Variants in STK11IP observed in about 807,000 individuals in gnomAD.
STK11IP encodes the protein serine/threonine kinase 11 interacting protein, also known as serine/threonine-protein kinase 11-interacting protein.
A neutral mutation model predicts 131.7 loss-of-function variants in STK11IP; 103 were observed. That is an observed-to-expected ratio of 0.78 (90% CI 0.67 to 0.92). STK11IP has a LOEUF of 0.92. Among genes scored for constraint, STK11IP ranks in the 40% least tolerant of loss-of-function variants. STK11IP has a pLI of 0.00. For synonymous variants in STK11IP, 557 were observed against 575.6 expected, an observed-to-expected ratio of 0.97 and a Z score of 0.46; for missense variants, 1,315 against 1,385.7, an observed-to-expected ratio of 0.95 and a Z score of 0.81.
chr2:219,603,678 G>T (rs954492733), intron 7 of STK11IP, among the ~76,000 whole-genome samples: 3 of 151,788 alleles, frequency 2.0e-5, no homozygotes, highest in African/African-American at 7.3e-5. Context: ...CCGCCACCAT[G>T]CCCAGCTAAT....
At chr2:219,605,491 G>T in intron 7 of STK11IP, 117 bp from the exon 8 acceptor site, 2 of 933,204 alleles carry the variant, frequency 2.1e-6, no homozygotes, top group South Asian at 3.2e-5. Context: ...CATTTGTGCT[G>T]AGTGTGTGCA....
chr2:219,599,067 C>G (rs183858718), intron 2 of STK11IP, among the ~76,000 whole-genome samples: 1 of 152,238 alleles, frequency 6.6e-6, no homozygotes, highest in East Asian at 1.9e-4. Context: ...TGTGGAAGCT[C>G]TCTTTATAGC....
Position 219,606,214 on chromosome 2 carries a change from C to A in STK11IP, c.869C>A (p.Pro290His). 1 of 1,568,070 alleles carries A rather than the reference C, an allele frequency of 6.4e-7. No individual in the cohort carries two copies. The highest frequency in any genetic ancestry group is 2.4e-5 in the East Asian group (1 of 42,024). The change falls in exon 10 of 25, where the codon CCT becomes CAT. Residue 290 changes from proline (P) to histidine (H), a missense_variant. Transcript: ENST00000456909. ...ELRKLYLEGN[P>H]LWFHPEHRAA... ...CCTCAGCTCTACCTGGAGGGGAACCCTCTTTGGTTCCACCCTGAGCACCGA... is the reference window on the plus strand; with the variant it reads ...CCTCAGCTCTACCTGGAGGGGAACCATCTTTGGTTCCACCCTGAGCACCGA...
Position 219,605,657 on chromosome 2 carries a change from T to C in STK11IP, c.668T>C (p.Leu223Ser), listed in dbSNP as rs552488643. ...GACATCTCCTATAATCGCCTGCATTTGGTGCCAAGAATGGGACCCTCAGGG... is the reference window on the plus strand; with the variant it reads ...GACATCTCCTATAATCGCCTGCATTCGGTGCCAAGAATGGGACCCTCAGGG... ...HLDISYNRLHLVPRMGPSGAA... is the reference protein window; with the variant it reads ...HLDISYNRLHSVPRMGPSGAA... Residue 223 changes from leucine (L) to serine (S), a missense_variant, in exon 8 of 25, where the codon TTG becomes TCG. Leu to Ser is a moderately radical substitution (Grantham distance 145, BLOSUM62 -2). Transcript: ENST00000456909. 1.9e-6 allele frequency: 3 copies of C among 1,558,096 alleles called. No individual in the cohort carries two copies. In the Admixed American group the frequency reaches 5.8e-5, roughly 30 times the overall value.
At chr2:219,606,312 A>G in intron 10 of STK11IP, 22 bp downstream of exon 10, 1 of 1,554,922 alleles carries the variant, frequency 6.4e-7, no homozygotes, top group Non-Finnish European at 8.7e-7. Context: ...TCCTGTGTCC[A>G]CTCTTCTTCC....
At chr2:219,608,867 ATTTCTTT>A in intron 15 of STK11IP, 79 bp downstream of exon 15, 3 of 1,420,990 alleles carry the variant, frequency 2.1e-6, no homozygotes, top group Non-Finnish European at 2.8e-6. Context: ...TGGGCTGGGC[ATTTCTTT>A]CAGTCTCTCC....
In STK11IP at chr2:219,609,420, G is replaced by A; in HGVS notation, c.1984G>A (p.Ala662Thr). Reference protein sequence around the residue: ...TNVAREQLGEARDLLLGRFQC... With the variant: ...TNVAREQLGETRDLLLGRFQC... ...TGTGGCTCGGGAACAGCTTGGGGAG[G>A]CCAGGGACCTCCTGCTGGGTAGATT... The change falls in exon 17 of 25, where the codon GCC becomes ACC. Residue 662 changes from alanine (A) to threonine (T), a missense_variant. Ala to Thr is a moderately conservative substitution (Grantham distance 58, BLOSUM62 0). Coordinates refer to ENST00000456909, the MANE Select transcript of STK11IP (RefSeq NM_052902.4). 1.9e-6 allele frequency: 3 copies of A among 1,613,270 alleles called. No individual in the cohort carries two copies. Among genetic ancestry groups the A allele is most frequent in the Non-Finnish European group, 1.7e-6 (2 of 1,179,748 alleles).
chr2:219,598,296 A>C, intron 2 of STK11IP, 116 bp downstream of exon 2: 1 of 725,850 alleles, frequency 1.4e-6, no homozygotes, highest in Non-Finnish European at 2.2e-6. Context: ...ACCAGGTGTC[A>C]GAGTTCAATT....
At chr2:219,608,907 G>C (rs970990507) in intron 15 of STK11IP, 119 bp downstream of exon 15, 25 of 1,252,172 alleles carry the variant, frequency 2.0e-5, no homozygotes, top group Non-Finnish European at 2.0e-5. Context: ...GCCGAGGAGG[G>C]GAGCCTCAGA....
intron 7 of STK11IP, 182 bp from the exon 8 acceptor site, chr2:219,605,426 G>A: frequency 3.3e-6 from 2 of 608,270 alleles, no homozygotes; most frequent in South Asian, 2.0e-5. Flanking sequence ...GAACTGTTAG[G>A]AACAGTGCTG....
At chr2:219,599,480 G>A (rs1052072021) in intron 2 of STK11IP, among the ~76,000 whole-genome samples, 7 of 152,192 alleles carry the variant, frequency 4.6e-5, no homozygotes, top group Non-Finnish European at 8.8e-5. Flanking sequence ...CCCTTTGAAC[G>A]TGGGAAGAGT....
chr2:219,605,981 G>A lies in STK11IP; in HGVS notation c.771G>A (p.Arg257=), dbSNP rs1431006958. The A allele has an allele frequency of 6.2e-7, 1 of 1,608,022 alleles. No individual in the cohort carries two copies. Among genetic ancestry groups the A allele is most frequent in the Admixed American group, 1.7e-5 (1 of 59,234 alleles). ...GCCTAGAGCAGCTGAGGAATCTGCGGCACCTGGATTTGGCATACAACCTGC... is the reference window on the plus strand; with the variant it reads ...GCCTAGAGCAGCTGAGGAATCTGCGACACCTGGATTTGGCATACAACCTGC... The part of the protein sequence containing the change: ...LHGLEQLRNL[R]HLDLAYNLLE... Residue 257 remains arginine, a synonymous_variant, in exon 9 of 25, where the codon CGG becomes CGA. Transcript: ENST00000456909.
rs375742770 is a variant in STK11IP at position 219,607,057 on chromosome 2, G to A, written c.1139G>A (p.Arg380Gln). The A allele has an allele frequency of 6.2e-5, 100 of 1,613,782 alleles. No individual in the cohort carries two copies. The Middle Eastern group carries it at 3.0e-3, about 48-fold the overall frequency. The change falls in exon 13 of 25, where the codon CGA becomes CAA. Residue 380 changes from arginine (R) to glutamine (Q), a missense_variant. Arg to Gln is a conservative substitution (Grantham distance 43). Coordinates refer to ENST00000456909, the MANE Select transcript of STK11IP (RefSeq NM_052902.4). ...TQPLLHKVKS[R>Q]VRVRRASISE... ...TCTTCCCTCCACCAACCTCAGAGCCGAGTCCGTGTGAGGCGGGCAAGCATC... is the reference window on the plus strand; with the variant it reads ...TCTTCCCTCCACCAACCTCAGAGCCAAGTCCGTGTGAGGCGGGCAAGCATC...
At chr2:219,600,232 ATATTTG>A (rs1697943495) in intron 2 of STK11IP, among the ~76,000 whole-genome samples, 1 of 151,428 alleles carries the variant, frequency 6.6e-6, no homozygotes, top group Non-Finnish European at 1.5e-5. Context: ...CCAGCTGAGA[ATATTTG>A]TATTTTTAGT....
chr2:219,607,918 T>C lies in STK11IP; in HGVS notation c.1220-129T>C, dbSNP rs368070465. The C allele has an allele frequency of 1.6e-4, 199 of 1,275,494 alleles. No individual in the cohort carries two copies. The African/African-American group carries it at 2.2e-3, about 14-fold the overall frequency. 79.0% of individuals were successfully genotyped at this position (1,275,494 alleles called of 1,614,324 possible). ...TAGTACATGCCGCGGAGGGGACGCC[T>C]GTAGCCTCCCTTGCCCGTGTCCCCA... On this transcript the variant is annotated intron_variant, in intron 13 of 24. Coordinates refer to ENST00000456909, the MANE Select transcript of STK11IP (RefSeq NM_052902.4).
At position 219,616,070 on chromosome 2, in the gene STK11IP, A is replaced by T; in HGVS notation, c.3144A>T (p.Ala1048=). The T allele has an allele frequency of 6.2e-7, 1 of 1,613,658 alleles. No homozygotes were observed. Among genetic ancestry groups the T allele is most frequent in the South Asian group, 1.1e-5 (1 of 91,068 alleles). The change falls in exon 25 of 25, where the codon GCA becomes GCT. Residue 1048 remains alanine, a synonymous_variant. Transcript: ENST00000456909. ...TGTCCCGGCTGGAGAGCTTTTGGGC[A>T]CTCCGTGTGGTGTGTCAGGAGCAGC... ...DEVSRLESFW[A]LRVVCQEQLT... is the part of the protein sequence containing the mutation.
chr2:219,614,674 C>G (rs1449212014), intron 23 of STK11IP, 128 bp downstream of exon 23: 1 of 989,624 alleles, frequency 1.0e-6, no homozygotes, highest in Non-Finnish European at 1.6e-6. Flanking sequence ...TGGAGAACCT[C>G]TCACTTGAGG....
chr2:219,614,683 G>C, intron 23 of STK11IP, 137 bp downstream of exon 23: 2 of 921,464 alleles, frequency 2.2e-6, no homozygotes, highest in Non-Finnish European at 3.5e-6. Context: ...TCTCACTTGA[G>C]GGCATAGCTG....
At chr2:219,609,273 G>C in intron 16 of STK11IP, 60 bp downstream of exon 16, 1 of 1,575,542 alleles carries the variant, frequency 6.3e-7, no homozygotes, top group Non-Finnish European at 8.6e-7. Flanking sequence ...CCAGAGGGAA[G>C]TGGCAGCAGG....
Sources: allele counts gnomAD v4.1 joint callset (sites outside exome capture counted in the v4.1 genomes callset), GRCh38; gene constraint gnomAD v4.1.1; transcripts MANE v1.5; gene names NCBI Gene and HGNC (gene_info 2026-07-23, HGNC 2026-07-21).